Variants in TSNARE1 observed in about 807,000 individuals in gnomAD.
The protein encoded by TSNARE1 is t-SNARE domain containing 1, also known as t-SNARE domain-containing protein 1.
Under a neutral mutation model 62.0 loss-of-function variants are expected in TSNARE1, and 49 were observed. That is an observed-to-expected ratio of 0.79 (90% CI 0.63 to 1.00). The LOEUF is 1.00. TSNARE1 is among the 50% of genes least tolerant of loss of function. TSNARE1 has a pLI of 0.00. For missense variants in TSNARE1, 755 were observed against 700.1 expected (o/e 1.08, Z -0.88); for synonymous variants, 328 against 294.4 (o/e 1.11, Z -1.17).
intron 13 of TSNARE1, among the ~76,000 whole-genome samples, chr8:142,217,667 T>A (rs1815950076): frequency 6.6e-6 from 1 of 152,236 alleles, no homozygotes; most frequent in Non-Finnish European, 1.5e-5. Flanking sequence ...CAATGAAGGG[T>A]CAGGGCTAGT....
intron 11 of TSNARE1, chr8:142,278,095 C>T: frequency 1.0e-6 from 1 of 985,394 alleles, no homozygotes; most frequent in Non-Finnish European, 1.2e-6. Flanking sequence ...TCCAGCCCCA[C>T]CCCATCAGGA....
At position 142,339,357 on chromosome 8, in the gene TSNARE1, G is replaced by C. The variant is rs541621426; in HGVS notation, c.745+4609C>G. On this transcript the variant is annotated intron_variant, in intron 4 of 13. Transcript: ENST00000524325. ...TGACGGCTCTTGTTACACTGGCCCA[G>C]GCGACCACAGAGATGGGTCTCTGCA... 2.7e-5 allele frequency among the ~76,000 whole-genome samples: 4 copies of C among 150,448 alleles called. No homozygotes were observed. In the East Asian group the frequency reaches 7.9e-4, roughly 30 times the overall value.
chr8:142,291,648 G>A lies in TSNARE1; in HGVS notation c.1291-7163C>T, dbSNP rs577281224. ...AGACGTGACGGGAACAGGCAACGCCGTTGCCTCCGCGGGCTTACGCTCGAG... is the reference window on the plus strand; with the variant it reads ...AGACGTGACGGGAACAGGCAACGCCATTGCCTCCGCGGGCTTACGCTCGAG... On this transcript the variant is annotated intron_variant, in intron 10 of 13. Coordinates refer to ENST00000524325, the MANE Select transcript of TSNARE1 (RefSeq NM_145003.5). The surrounding 1 kb of genome is among the most constrained non-coding windows in gnomAD (Gnocchi z 4.8). Among the ~76,000 whole-genome samples, 345 of 152,060 alleles carry A rather than the reference G, an allele frequency of 2.3e-3. 1 individual carries two copies. The highest frequency in any genetic ancestry group is 3.9e-3 in the Non-Finnish European group (262 of 68,014).
At chr8:142,345,509 G>T (rs1833232465) in intron 3 of TSNARE1, among the ~76,000 whole-genome samples, 1 of 152,178 alleles carries the variant, frequency 6.6e-6, no homozygotes, top group Admixed American at 6.5e-5. Flanking sequence ...TGAGCCTACA[G>T]GGTTGGCCAG....
chr8:142,349,426 C>T lies in TSNARE1; in HGVS notation c.89-3534G>A, dbSNP rs1833804030. 1.3e-5 allele frequency among the ~76,000 whole-genome samples: 2 copies of T among 152,058 alleles called. 1 individual carries two copies. Among genetic ancestry groups the T allele is most frequent in the South Asian group, 4.1e-4 (2 of 4,826 alleles). ...ATTAGAAATGAATATTTACCATATT[C>T]ATGGTGAATGTGGTAAATATTCAAT... On this transcript the variant is annotated intron_variant, in intron 2 of 13. Coordinates refer to ENST00000524325, the MANE Select transcript of TSNARE1 (RefSeq NM_145003.5).
chr8:142,268,238 C>T (rs1005772164), intron 12 of TSNARE1, among the ~76,000 whole-genome samples: 1 of 152,242 alleles, frequency 6.6e-6, no homozygotes, highest in Non-Finnish European at 1.5e-5. Context: ...CTCTCGGCAT[C>T]TGAGCAGCTC....
intron 1 of TSNARE1, among the ~76,000 whole-genome samples, chr8:142,357,912 T>C (rs536415886): frequency 6.6e-6 from 1 of 151,376 alleles, no homozygotes; most frequent in East Asian, 2.0e-4. Flanking sequence ...GGAGGCTCCA[T>C]GAGAGGAGGG....
At chr8:142,269,460 G>A (rs1334914290) in intron 12 of TSNARE1, 2 of 985,322 alleles carry the variant, frequency 2.0e-6, no homozygotes, top group Non-Finnish European at 2.4e-6. Flanking sequence ...AGCCATACGA[G>A]GCCACTGTCA....
intron 1 of TSNARE1, among the ~76,000 whole-genome samples, chr8:142,389,975 G>A (rs909515155): frequency 1.3e-5 from 2 of 152,206 alleles, no homozygotes; most frequent in Admixed American, 1.3e-4. Context: ...TATTGCTCCA[G>A]GCTATAAACC....
chr8:142,287,606 A>G (rs1822977462), intron 10 of TSNARE1, among the ~76,000 whole-genome samples: 1 of 127,836 alleles, frequency 7.8e-6, no homozygotes, highest in Non-Finnish European at 1.6e-5. Context: ...GCCGCCCTCC[A>G]GGTCGTGGAA....
intron 12 of TSNARE1, among the ~76,000 whole-genome samples, chr8:142,233,876 G>T (rs561700599): frequency 6.6e-6 from 1 of 152,274 alleles, no homozygotes; most frequent in African/African-American, 2.4e-5. Context: ...GCTTCCGCCT[G>T]TACAGAACCA....
chr8:142,272,857 T>C (rs1265856776), intron 12 of TSNARE1: 1 of 981,532 alleles, frequency 1.0e-6, no homozygotes, highest in African/African-American at 1.8e-5. Context: ...AGAGGCAACT[T>C]CACAGATGCC....
intron 12 of TSNARE1, among the ~76,000 whole-genome samples, chr8:142,236,746 C>T (rs1817445564): frequency 1.3e-5 from 2 of 152,160 alleles, no homozygotes; most frequent in Admixed American, 1.3e-4. Context: ...ACCTGTCTGC[C>T]CCAGTCCCTC....
intron 12 of TSNARE1, chr8:142,273,782 C>T (rs1432882012): frequency 9.1e-6 from 9 of 985,290 alleles, no homozygotes; most frequent in African/African-American, 3.5e-5. Context: ...AGTCAGGCCC[C>T]TGCGTGGTTC....
chr8:142,357,378 C>A (rs1297226429), intron 1 of TSNARE1, among the ~76,000 whole-genome samples: 1 of 152,212 alleles, frequency 6.6e-6, no homozygotes, highest in Non-Finnish European at 1.5e-5. Flanking sequence ...GAGCACAGGG[C>A]ACTACTTGCC....
chr8:142,348,491 C>T (rs1056007738), intron 2 of TSNARE1, among the ~76,000 whole-genome samples: 3 of 151,580 alleles, frequency 2.0e-5, no homozygotes, highest in Admixed American at 6.6e-5. Flanking sequence ...TGGCTGCTCC[C>T]GGCACCCCAT....
intron 1 of TSNARE1, among the ~76,000 whole-genome samples, chr8:142,393,353 T>C (rs562348070): frequency 3.9e-5 from 6 of 152,248 alleles, no homozygotes; most frequent in Non-Finnish European, 8.8e-5. Flanking sequence ...AGAAGCAAGG[T>C]AGGCTTCGCT....
At chr8:142,254,238 G>A (rs1818317799) in intron 12 of TSNARE1, among the ~76,000 whole-genome samples, 1 of 152,184 alleles carries the variant, frequency 6.6e-6, no homozygotes, top group Non-Finnish European at 1.5e-5. Context: ...TTCTGCTGTG[G>A]TTTCCAGGAG....
chr8:142,242,719 C>T (rs1218760971), intron 12 of TSNARE1, among the ~76,000 whole-genome samples: 3 of 152,056 alleles, frequency 2.0e-5, no homozygotes, highest in Non-Finnish European at 1.5e-5. Flanking sequence ...CCCAGCACTT[C>T]GGGAGGCCAA....
Sources: allele counts gnomAD v4.1 joint callset (sites outside exome capture counted in the v4.1 genomes callset), GRCh38; gene constraint gnomAD v4.1.1; non-coding constraint Gnocchi (gnomAD v3.1); transcripts MANE v1.5; gene names NCBI Gene and HGNC (gene_info 2026-07-23, HGNC 2026-07-21).